CUBN: variants seen among roughly 807,000 people sequenced by gnomAD.
CUBN encodes the protein cubilin.
Under a neutral mutation model 405.3 loss-of-function variants are expected in CUBN, and 282 were observed. The ratio of observed to expected loss-of-function variants is 0.70; its 90% CI spans 0.63 to 0.77. CUBN has a LOEUF of 0.77. Ranked by LOEUF, CUBN falls within the 30% of genes least tolerant of loss-of-function variation. CUBN has a pLI of 0.00. For synonymous variants in CUBN, 1,684 were observed against 1,617.0 expected, an observed-to-expected ratio of 1.04 and a Z score of -0.99; for missense variants, 4,514 against 4,475.2, an observed-to-expected ratio of 1.01 and a Z score of -0.25.
intron 26 of CUBN, among the ~76,000 whole-genome samples, chr10:17,043,515 C>G (rs1445315870): frequency 1.3e-5 from 2 of 152,192 alleles, no homozygotes; most frequent in Non-Finnish European, 2.9e-5. Context: ...TGAATTGCAA[C>G]TCTCTCAGCA....
chr10:16,872,790 C>T (rs767959173), intron 58 of CUBN, among the ~76,000 whole-genome samples: 1 of 152,238 alleles, frequency 6.6e-6, no homozygotes, highest in Non-Finnish European at 1.5e-5. Context: ...CCCCCTTACA[C>T]TTTCACGCCT....
At position 17,019,823 on chromosome 10, in the gene CUBN, C is replaced by T. The variant is rs780108353; in HGVS notation, c.4168+10G>A. ...ACTGCAAATACAACTGAGATCAGCA[C>T]CTGGCTTACCGTAAACAAACCACTG... is the stretch of plus-strand genomic sequence containing the variant. On this transcript the variant is annotated intron_variant, in intron 28 of 66. Transcript: ENST00000377833. 15 of 1,613,930 alleles carry T rather than the reference C, an allele frequency of 9.3e-6. No homozygotes were observed. The highest frequency in any genetic ancestry group is 1.3e-5 in the Non-Finnish European group (15 of 1,179,956).
chr10:16,901,303 T>A (rs1245689596), intron 52 of CUBN, 35 bp downstream of exon 52: 2 of 1,614,006 alleles, frequency 1.2e-6, no homozygotes, highest in Non-Finnish European at 1.7e-6. Flanking sequence ...GGTTCTATTG[T>A]CTCAGAAGCA....
chr10:16,851,977 CCTCT>C (rs1466377645), intron 59 of CUBN, among the ~76,000 whole-genome samples: 7 of 118,142 alleles, frequency 5.9e-5, no homozygotes, highest in South Asian at 6.9e-4. Flanking sequence ...TCCCTCCCTC[CCTCT>C]ATCTTTCCCT....
At chr10:16,840,127 G>A (rs566477291) in intron 62 of CUBN, among the ~76,000 whole-genome samples, 1 of 151,688 alleles carries the variant, frequency 6.6e-6, no homozygotes, top group East Asian at 1.9e-4. Context: ...AATGTTAAAT[G>A]ACGAGTTAAT....
chr10:17,127,010 A>C (rs1294669810), intron 3 of CUBN, among the ~76,000 whole-genome samples: 3 of 151,160 alleles, frequency 2.0e-5, no homozygotes, highest in Admixed American at 6.6e-5. Flanking sequence ...GGGTTTTTTT[A>C]AGTTTTTTTT....
chr10:17,098,787 T>A (rs1588640714), intron 14 of CUBN, among the ~76,000 whole-genome samples: 1 of 152,092 alleles, frequency 6.6e-6, no homozygotes, highest in South Asian at 2.1e-4. Context: ...AAGTGAAAAA[T>A]TAAATTTTAG....
chr10:16,890,684 A>AT (rs1376129089), intron 54 of CUBN, among the ~76,000 whole-genome samples, 157 bp from the exon 55 acceptor site: 2 of 152,176 alleles, frequency 1.3e-5, no homozygotes, highest in Non-Finnish European at 2.9e-5. Flanking sequence ...TTTGAGAATA[A>AT]TTTTTTTAAA....
intron 66 of CUBN, among the ~76,000 whole-genome samples, chr10:16,825,627 C>CTGTGTG (rs1377715842): frequency 1.2e-5 from 1 of 80,628 alleles, no homozygotes; most frequent in Non-Finnish European, 2.6e-5. Flanking sequence ...TTCTGTGGAA[C>CTGTGTG]AGTGTGTGTG....
chr10:17,006,306 T>C (rs1418416743), intron 28 of CUBN, among the ~76,000 whole-genome samples: 2 of 152,184 alleles, frequency 1.3e-5, no homozygotes, highest in East Asian at 1.9e-4. Context: ...ATTAACATGA[T>C]TCACAGTTGT....
chr10:16,993,996 G>C (rs527886806), intron 28 of CUBN, among the ~76,000 whole-genome samples: 12 of 152,148 alleles, frequency 7.9e-5, no homozygotes, highest in Non-Finnish European at 1.2e-4. Flanking sequence ...ATGCAAAATA[G>C]GATAGATTAA....
chr10:17,079,909 T>G (rs2131858260), intron 17 of CUBN, among the ~76,000 whole-genome samples: 1 of 152,172 alleles, frequency 6.6e-6, no homozygotes, highest in South Asian at 2.1e-4. Flanking sequence ...ATGCAGGAGA[T>G]GCGGGAGGGC....
rs1271336878 is a variant in CUBN at position 17,120,527 on chromosome 10, C to G, written c.593+2268G>C. On this transcript the variant is annotated intron_variant, in intron 6 of 66. Coordinates refer to ENST00000377833, the MANE Select transcript of CUBN (RefSeq NM_001081.4). ...ATCAGTTCTTCTGTATTCTTGCTCT[C>G]CTTTATAAAAGAGTGCAAGAGAGAA... Among the ~76,000 whole-genome samples the G allele has an allele frequency of 3.3e-5, 5 of 152,202 alleles. No homozygotes were observed. In the East Asian group the frequency reaches 9.6e-4, roughly 29 times the overall value.
At position 16,869,790 on chromosome 10, in the gene CUBN, A is replaced by T; in HGVS notation, c.9300T>A (p.Asp3100Glu). ...SCSHDYLAIYDGANTSDPLLG... is the reference protein window; with the variant it reads ...SCSHDYLAIYEGANTSDPLLG... Reference sequence around the variant, plus strand: ...GAAGGGGATCGCTGGTATTGGCACCATCGTAAATTGCCAGGTAGTCATGGG... The same window carrying T: ...GAAGGGGATCGCTGGTATTGGCACCTTCGTAAATTGCCAGGTAGTCATGGG... The change falls in exon 59 of 67, where the codon GAT becomes GAA. Residue 3100 changes from aspartate to glutamate, a missense_variant. Physicochemically the swap from Asp to Glu is conservative, Grantham distance 45. Coordinates refer to ENST00000377833, the MANE Select transcript of CUBN (RefSeq NM_001081.4). 1 of 1,614,166 alleles carries T rather than the reference A, an allele frequency of 6.2e-7. No individual in the cohort carries two copies. Among genetic ancestry groups the T allele is most frequent in the Non-Finnish European group, 8.5e-7 (1 of 1,180,004 alleles).
intron 58 of CUBN, among the ~76,000 whole-genome samples, 176 bp from the exon 59 acceptor site, chr10:16,870,029 C>T (rs1012669820): frequency 6.6e-6 from 1 of 152,104 alleles, no homozygotes; most frequent in Non-Finnish European, 1.5e-5. Context: ...AAAAGTTTAG[C>T]CAAATTTGTT....
intron 31 of CUBN, among the ~76,000 whole-genome samples, chr10:16,981,828 A>G (rs1833285547): frequency 6.6e-6 from 1 of 151,832 alleles, no homozygotes; most frequent in South Asian, 2.1e-4. Context: ...AGTAGCAGAA[A>G]CTCTTTTTGT....
chr10:17,065,138 C>CA (rs1491321582), intron 22 of CUBN, among the ~76,000 whole-genome samples: 26 of 139,890 alleles, frequency 1.9e-4, no homozygotes, highest in African/African-American at 7.2e-4. Flanking sequence ...CTCCCCCCCC[C>CA]CCCACACACA....
At chr10:16,845,741 C>T (rs115567947) in intron 60 of CUBN, among the ~76,000 whole-genome samples, 3 of 152,294 alleles carry the variant, frequency 2.0e-5, no homozygotes, top group East Asian at 1.9e-4. Flanking sequence ...TGGATAGGAA[C>T]GTGATGCCTT....
intron 65 of CUBN, among the ~76,000 whole-genome samples, chr10:16,830,710 G>A (rs777653102): frequency 1.1e-4 from 16 of 152,074 alleles, no homozygotes; most frequent in Non-Finnish European, 1.9e-4. Context: ...AATTTACCAA[G>A]GAATTTTTGA....
Sources: gnomAD v4.1 joint callset for allele counts (sites outside exome capture counted in the v4.1 genomes callset) on GRCh38, gnomAD v4.1.1 for gene constraint, MANE v1.5 for transcripts, NCBI Gene and HGNC (gene_info 2026-07-23, HGNC 2026-07-21) for gene names.